Variants in PARP8 observed in about 807,000 individuals in gnomAD.
The protein encoded by PARP8 is protein mono-ADP-ribosyltransferase PARP8.
In PARP8, 51 loss-of-function variants were observed where a neutral mutation model predicts 124.1. The observed-to-expected ratio is 0.41, with a 90% CI of 0.33 to 0.52. The LOEUF is 0.52. Among genes scored for constraint, PARP8 ranks in the 20% least tolerant of loss-of-function variants. The pLI is 0.21. For missense variants in PARP8, 860 were observed against 1,018.9 expected, an observed-to-expected ratio of 0.84 and a Z score of 2.12; for synonymous variants, 391 against 361.5, an observed-to-expected ratio of 1.08 and a Z score of -0.93.
chr5:50,834,113 A>C, intron 24 of PARP8, 65 bp downstream of exon 24: 1 of 1,306,486 alleles, frequency 7.7e-7, no homozygotes, highest in Non-Finnish European at 1.1e-6. Flanking sequence ...TAAAAATATA[A>C]GTATATTTAC....
In PARP8 at chr5:50,842,119, C is replaced by G; in HGVS notation, c.*51C>G. The G allele has an allele frequency of 3.1e-6, 4 of 1,305,878 alleles. No individual in the cohort carries two copies. Among genetic ancestry groups the G allele is most frequent in the Non-Finnish European group, 4.4e-6 (4 of 919,436 alleles). 80.9% of individuals were successfully genotyped at this position (1,305,878 alleles called of 1,614,324 possible). ...TCGAAAGCCTTCCTCGGGTTCAAAG[C>G]TGGATTTTGAACTGAAGAAGATTAT... is the stretch of plus-strand genomic sequence containing the variant. On this transcript the variant is annotated 3_prime_UTR_variant, in exon 26 of 26. Transcript: ENST00000281631.
At chr5:50,830,223 T>C (rs1463438789) in intron 22 of PARP8, among the ~76,000 whole-genome samples, 1 of 152,156 alleles carries the variant, frequency 6.6e-6, no homozygotes, top group Non-Finnish European at 1.5e-5. Flanking sequence ...CAAATGAATA[T>C]TGAGACTATA....
intron 2 of PARP8, among the ~76,000 whole-genome samples, chr5:50,730,240 A>G (rs985329632): frequency 6.6e-6 from 1 of 151,988 alleles, no homozygotes; most frequent in African/African-American, 2.4e-5. Context: ...TATAAATGTC[A>G]AACTGTATTA....
chr5:50,796,858 C>T, intron 12 of PARP8, 124 bp from the exon 13 acceptor site: 3 of 793,452 alleles, frequency 3.8e-6, no homozygotes, highest in Non-Finnish European at 5.8e-6. Context: ...ATCAGTGACT[C>T]AATTCATATT....
chr5:50,670,804 CT>C (rs35342279), intron 2 of PARP8, among the ~76,000 whole-genome samples: 1 of 152,212 alleles, frequency 6.6e-6, no homozygotes. Flanking sequence ...TGTTTTCAAG[CT>C]TTTTGAGCAT....
At chr5:50,839,511 G>T (rs1365758530) in intron 25 of PARP8, among the ~76,000 whole-genome samples, 2 of 151,894 alleles carry the variant, frequency 1.3e-5, no homozygotes, top group Admixed American at 6.6e-5. Flanking sequence ...GATTTTTCTT[G>T]ATTATTATAT....
intron 2 of PARP8, among the ~76,000 whole-genome samples, chr5:50,704,204 C>G (rs1753889331): frequency 6.6e-6 from 1 of 151,918 alleles, no homozygotes; most frequent in Non-Finnish European, 1.5e-5. Flanking sequence ...CATCTAAGTC[C>G]CGAGAGATGT....
rs1761614553 is a variant in PARP8, at chr5:50,771,361, G to T, written c.519-6708G>T. Among the ~76,000 whole-genome samples the T allele has an allele frequency of 2.0e-5, 3 of 152,138 alleles. No individual in the cohort carries two copies. In the South Asian group the frequency reaches 6.2e-4, roughly 31 times the overall value. ...TTCAGTAGAGACGGGGTTTCACCAT[G>T]TTGGTCAGGCTGGTCTCAAACTCCT... On this transcript the variant is annotated intron_variant, in intron 7 of 25. Coordinates refer to ENST00000281631, the MANE Select transcript of PARP8 (RefSeq NM_024615.4).
At chr5:50,836,488 A>G (rs1436306738) in intron 25 of PARP8, among the ~76,000 whole-genome samples, 1 of 152,180 alleles carries the variant, frequency 6.6e-6, no homozygotes, top group African/African-American at 2.4e-5. Flanking sequence ...GCTGTTATAC[A>G]TTCCCAGGTA....
chr5:50,668,470 A>G, intron 2 of PARP8: 1 of 208,280 alleles, frequency 4.8e-6, no homozygotes, highest in Non-Finnish European at 9.7e-6. Flanking sequence ...TGTATAAAAG[A>G]CATAAAATGT....
At chr5:50,727,792 C>CTT (rs1756576478) in intron 2 of PARP8, among the ~76,000 whole-genome samples, 1 of 152,164 alleles carries the variant, frequency 6.6e-6, no homozygotes, top group South Asian at 2.1e-4. Flanking sequence ...CTGCAGGAAA[C>CTT]TTTCCTGGTA....
rs1748041843 is a variant in PARP8, at chr5:50,840,288, T to G, written c.2463-1678T>G. 2.6e-5 allele frequency among the ~76,000 whole-genome samples: 4 copies of G among 152,054 alleles called. No individual in the cohort carries two copies. The South Asian group carries it at 8.3e-4, about 32-fold the overall frequency. On this transcript the variant is annotated intron_variant, in intron 25 of 25. Coordinates refer to ENST00000281631, the MANE Select transcript of PARP8 (RefSeq NM_024615.4). ...CTAAATTAATTTAAAAACCCACTAG[T>G]TATACACAATCTGCAACTTGAAAAC... is the stretch of plus-strand genomic sequence containing the variant.
intron 2 of PARP8, among the ~76,000 whole-genome samples, chr5:50,712,942 A>G (rs1754926073): frequency 6.6e-6 from 1 of 151,896 alleles, no homozygotes; most frequent in Non-Finnish European, 1.5e-5. Flanking sequence ...AAAGTATTAT[A>G]ATAAACTCAA....
At chr5:50,740,244 A>G (rs1230067122) in intron 2 of PARP8, among the ~76,000 whole-genome samples, 1 of 152,182 alleles carries the variant, frequency 6.6e-6, no homozygotes, top group East Asian at 1.9e-4. Flanking sequence ...ACTGCTCCGT[A>G]GTAAGATCTG....
chr5:50,812,896 A>T (rs1744627656), intron 14 of PARP8, among the ~76,000 whole-genome samples: 1 of 152,074 alleles, frequency 6.6e-6, no homozygotes, highest in Non-Finnish European at 1.5e-5. Context: ...CAAAGATCAG[A>T]TGGTTGTAGA....
rs901358992 is a variant in PARP8, at chr5:50,759,513, A to G, written c.185-130A>G. ...TACTTTATCATATTTTTTGAGTTTA[A>G]TCAAACAGTAGTGTATGCTTTATGA... On this transcript the variant is annotated intron_variant, in intron 3 of 25. Transcript: ENST00000281631. The G allele has an allele frequency of 4.8e-6, 5 of 1,040,120 alleles. No individual in the cohort carries two copies. In the African/African-American group the frequency reaches 8.4e-5, roughly 18 times the overall value. 64.4% of individuals were successfully genotyped at this position (1,040,120 alleles called of 1,614,324 possible).
Position 50,844,798 on chromosome 5 carries a change from C to A in PARP8, c.*2730C>A, listed in dbSNP as rs1748493411. ...AACATTTTACTATGAATAATCTGTTCTCTTTCACTGTATTAAAAGGAGAAG... is the reference window on the plus strand; with the variant it reads ...AACATTTTACTATGAATAATCTGTTATCTTTCACTGTATTAAAAGGAGAAG... On this transcript the variant is annotated 3_prime_UTR_variant, in exon 26 of 26. Transcript: ENST00000281631. 6.6e-6 allele frequency: 1 copy of A among 151,574 alleles called. No individual in the cohort carries two copies. The highest frequency in any genetic ancestry group is 6.6e-5 in the Admixed American group (1 of 15,174). The allele number at this position is 151,574 out of a possible 1,614,324, so 9.4% of individuals were successfully genotyped here.
intron 25 of PARP8, among the ~76,000 whole-genome samples, chr5:50,836,009 A>G (rs1747541583): frequency 6.6e-6 from 1 of 152,134 alleles, no homozygotes; most frequent in African/African-American, 2.4e-5. Flanking sequence ...TGAAAAATGG[A>G]ACTGTTAAGG....
chr5:50,775,441 G>T, intron 7 of PARP8, among the ~76,000 whole-genome samples: 1 of 152,160 alleles, frequency 6.6e-6, no homozygotes, highest in South Asian at 2.1e-4. Flanking sequence ...TGTGATCCCA[G>T]GCACTCGGCA....
Sources: allele counts gnomAD v4.1 joint callset (sites outside exome capture counted in the v4.1 genomes callset), GRCh38; gene constraint gnomAD v4.1.1; transcripts MANE v1.5; gene names NCBI Gene and HGNC (gene_info 2026-07-23, HGNC 2026-07-21).